The following TTC29 variants were observed in gnomAD, a reference collection of about 807,000 sequenced individuals.
TTC29 encodes tetratricopeptide repeat domain 29, also known as tetratricopeptide repeat protein 29.
Under a neutral mutation model 58.1 loss-of-function variants are expected in TTC29, and 49 were observed. That is an observed-to-expected ratio of 0.84 (90% CI 0.67 to 1.07). The LOEUF is 1.07. Among genes scored for constraint, TTC29 ranks in the 50% least tolerant of loss-of-function variants. The pLI, the probability that TTC29 is intolerant of heterozygous loss-of-function variation, is 0.00. For synonymous variants in TTC29, 209 were observed against 196.8 expected (o/e 1.06, Z -0.52); for missense variants, 582 against 555.6 (o/e 1.05, Z -0.48).
At chr4:146,822,888 G>A (rs963318711) in intron 9 of TTC29, among the ~76,000 whole-genome samples, 4 of 152,072 alleles carry the variant, frequency 2.6e-5, no homozygotes, top group African/African-American at 9.7e-5. Context: ...TTTGTTGGCT[G>A]CATAAATGTC....
intron 8 of TTC29, among the ~76,000 whole-genome samples, chr4:146,851,363 G>T (rs571673715): frequency 6.6e-6 from 1 of 152,296 alleles, no homozygotes; most frequent in African/African-American, 2.4e-5. Context: ...CAGGCACTGT[G>T]ATTCCAAGGG....
At chr4:146,885,753 C>T (rs1731941188) in intron 6 of TTC29, among the ~76,000 whole-genome samples, 1 of 152,060 alleles carries the variant, frequency 6.6e-6, no homozygotes. Flanking sequence ...ATTACTTTTG[C>T]ACTAACCTAA....
At chr4:146,799,537 A>T (rs1750062505) in intron 11 of TTC29, among the ~76,000 whole-genome samples, 1 of 152,238 alleles carries the variant, frequency 6.6e-6, no homozygotes, top group South Asian at 2.1e-4. Flanking sequence ...TTTTAAGAAT[A>T]CTAAATGATG....
intron 7 of TTC29, among the ~76,000 whole-genome samples, chr4:146,873,570 A>G (rs1446613366): frequency 6.6e-6 from 1 of 152,178 alleles, no homozygotes; most frequent in Non-Finnish European, 1.5e-5. Flanking sequence ...TTCCTAATCA[A>G]TGCATTCCTT....
At chr4:146,829,017 C>T (rs1727989307) in intron 9 of TTC29, among the ~76,000 whole-genome samples, 1 of 152,120 alleles carries the variant, frequency 6.6e-6, no homozygotes, top group Admixed American at 6.5e-5. Context: ...AGTTAAAGGA[C>T]AAGGTTAAAA....
chr4:146,708,357 CACAT>C (rs1402664287), intron 11 of TTC29, among the ~76,000 whole-genome samples: 3 of 16,834 alleles, frequency 1.8e-4, no homozygotes, highest in South Asian at 3.1e-3. Flanking sequence ...TATATATATA[CACAT>C]GTATGTGTGT....
intron 6 of TTC29, among the ~76,000 whole-genome samples, chr4:146,879,006 C>T (rs1731450881): frequency 6.6e-6 from 1 of 152,136 alleles, no homozygotes. Context: ...TCAGTGGGGT[C>T]CTGATTAGTA....
At chr4:146,784,518 T>C (rs568326456) in intron 11 of TTC29, among the ~76,000 whole-genome samples, 1 of 152,112 alleles carries the variant, frequency 6.6e-6, no homozygotes, top group Admixed American at 6.6e-5. Context: ...GGGAGGTGAT[T>C]AGATTATGTG....
intron 11 of TTC29, among the ~76,000 whole-genome samples, chr4:146,716,241 G>A (rs1359166394): frequency 6.6e-6 from 1 of 152,052 alleles, no homozygotes; most frequent in Non-Finnish European, 1.5e-5. Flanking sequence ...GTTTAATTTT[G>A]TTGACCAAAT....
At chr4:146,860,787 G>A (rs1379127016) in intron 8 of TTC29, among the ~76,000 whole-genome samples, 8 of 152,140 alleles carry the variant, frequency 5.3e-5, no homozygotes, top group Admixed American at 5.2e-4. Context: ...AGACTATTTT[G>A]TATTACTTAT....
At chr4:146,742,976 T>C (rs1247922112) in intron 11 of TTC29, among the ~76,000 whole-genome samples, 3 of 151,888 alleles carry the variant, frequency 2.0e-5, no homozygotes, top group Non-Finnish European at 4.4e-5. Flanking sequence ...AATCCTCAGA[T>C]AGGACTTTTT....
intron 11 of TTC29, among the ~76,000 whole-genome samples, chr4:146,728,516 C>A (rs1743960854): frequency 6.6e-6 from 1 of 151,412 alleles, no homozygotes; most frequent in African/African-American, 2.4e-5. Context: ...TATCACCTTG[C>A]CTGAAAGGTC....
chr4:146,825,940 TAAAA>T (rs1166927825), intron 9 of TTC29, among the ~76,000 whole-genome samples: 9,272 of 149,954 alleles, frequency 0.062, 392 homozygotes, highest in Admixed American at 0.13. Context: ...CTTTTTTTTT[TAAAA>T]AAATTTCCAT....
chr4:146,738,154 T>G lies in TTC29; in HGVS notation c.1331-30603A>C, dbSNP rs544102048. On this transcript the variant is annotated intron_variant, in intron 11 of 12. Coordinates refer to ENST00000325106, the MANE Select transcript of TTC29 (RefSeq NM_031956.4). Reference sequence around the variant, plus strand: ...TTGCTCCCAGCGATCTGGACCAGCATGGCGGCAGAATCTAATGTTCCTTTT... The same window carrying G: ...TTGCTCCCAGCGATCTGGACCAGCAGGGCGGCAGAATCTAATGTTCCTTTT... Among the ~76,000 whole-genome samples the G allele has an allele frequency of 2.5e-3, 380 of 152,294 alleles. 5 individuals are homozygous for G. Among genetic ancestry groups the G allele is most frequent in the Non-Finnish European group, 3.4e-3 (234 of 68,030 alleles).
chr4:146,847,284 T>A (rs1729235075), intron 8 of TTC29, among the ~76,000 whole-genome samples: 1 of 152,116 alleles, frequency 6.6e-6, no homozygotes, highest in South Asian at 2.1e-4. Context: ...TCTGATGGGG[T>A]TCTGCTACTC....
chr4:146,906,479 T>C (rs1004946216), intron 5 of TTC29, among the ~76,000 whole-genome samples: 4 of 152,188 alleles, frequency 2.6e-5, no homozygotes, highest in Admixed American at 6.6e-5. Context: ...CACAACCATA[T>C]GGAATGGAAC....
At chr4:146,942,695 TA>T in intron 2 of TTC29, 4 of 1,400,032 alleles carry the variant, frequency 2.9e-6, no homozygotes, top group African/African-American at 1.4e-5. Flanking sequence ...CTAGTAAATT[TA>T]AAAAGGGAGA....
At chr4:146,894,626 C>T (rs1732636660) in intron 6 of TTC29, among the ~76,000 whole-genome samples, 1 of 151,894 alleles carries the variant, frequency 6.6e-6, no homozygotes, top group Non-Finnish European at 1.5e-5. Context: ...CACATGTATA[C>T]ATATGTAACT....
At chr4:146,869,119 A>AC in intron 7 of TTC29, among the ~76,000 whole-genome samples, 1 of 144,300 alleles carries the variant, frequency 6.9e-6, no homozygotes, top group South Asian at 2.2e-4. Flanking sequence ...AAAAAAAAAA[A>AC]CCTCTTTTCT....
Sources: allele counts gnomAD v4.1 joint callset (sites outside exome capture counted in the v4.1 genomes callset), GRCh38; gene constraint gnomAD v4.1.1; transcripts MANE v1.5; gene names NCBI Gene and HGNC (gene_info 2026-07-23, HGNC 2026-07-21).